Variants in ST7 observed in about 807,000 individuals in gnomAD.
The protein encoded by ST7 is suppressor of tumorigenicity 7 protein.
In ST7, 28 loss-of-function variants were observed where a neutral mutation model predicts 78.7. That is an observed-to-expected ratio of 0.36 (90% CI 0.26 to 0.49). ST7 has a LOEUF of 0.49. ST7 is among the 20% of genes least tolerant of loss of function. The probability of loss-of-function intolerance (pLI) is 0.99; values close to 1 mark genes in which losing one functional copy is unlikely to be tolerated. For missense variants in ST7, 418 were observed against 696.0 expected, an observed-to-expected ratio of 0.60 and a Z score of 4.49; for synonymous variants, 247 against 249.6, an observed-to-expected ratio of 0.99 and a Z score of 0.10.
chr7:117,020,797 A>G (rs566539669), intron 1 of ST7, among the ~76,000 whole-genome samples: 1 of 152,168 alleles, frequency 6.6e-6, no homozygotes, highest in African/African-American at 2.4e-5. Flanking sequence ...TAACTGGGTT[A>G]TTCATCCTTA....
In ST7 at chr7:117,219,868, T is replaced by C. The variant is rs996935022; in HGVS notation, c.1498+692T>C. Among the ~76,000 whole-genome samples, 1 of 152,262 alleles carries C rather than the reference T, an allele frequency of 6.6e-6. No homozygotes were observed. The highest frequency in any genetic ancestry group is 6.5e-5 in the Admixed American group (1 of 15,292). ...TGTGGAAAATATTATTTTGCTTTGC[T>C]GTAATACAACATTGTTTTGACAATT... On this transcript the variant is annotated intron_variant, in intron 14 of 15. Coordinates refer to ENST00000323984, the MANE Select transcript of ST7 (RefSeq NM_001369598.1). This position sits in a 1 kb window ranked among gnomAD's most constrained non-coding sequence, Gnocchi z 5.1.
At chr7:117,075,995 A>G (rs1799311650) in intron 1 of ST7, among the ~76,000 whole-genome samples, 1 of 152,138 alleles carries the variant, frequency 6.6e-6, no homozygotes, top group South Asian at 2.1e-4. Context: ...CTCATTCACC[A>G]TGTTTGCTTC....
At chr7:117,086,141 T>A (rs971671893) in intron 1 of ST7, among the ~76,000 whole-genome samples, 1 of 152,164 alleles carries the variant, frequency 6.6e-6, no homozygotes, top group African/African-American at 2.4e-5. Context: ...TTCTGTATTT[T>A]AAAAAATGTT....
intron 2 of ST7, among the ~76,000 whole-genome samples, chr7:117,119,121 ATTTTG>A (rs916027643): frequency 2.6e-5 from 4 of 151,934 alleles, no homozygotes; most frequent in Non-Finnish European, 5.9e-5. Context: ...CCCTACCCCG[ATTTTG>A]CTCTTAAGCA....
Position 117,034,142 on chromosome 7 carries a change from T to C in ST7, c.152-65620T>C, listed in dbSNP as rs531618144. The stretch of plus-strand genomic sequence containing the variant: ...TTTTTGTAGAGGCAGTCTTGCTCTA[T>C]TGCCCAGGCTGGTCTTGAACTCCTG... On this transcript the variant is annotated intron_variant, in intron 1 of 15. Transcript: ENST00000323984. Among the ~76,000 whole-genome samples the C allele has an allele frequency of 3.9e-5, 6 of 152,224 alleles. No individual in the cohort carries two copies. In the East Asian group the frequency reaches 5.8e-4, roughly 15 times the overall value.
intron 1 of ST7, among the ~76,000 whole-genome samples, chr7:117,077,126 G>A (rs887145713): frequency 6.6e-6 from 1 of 152,110 alleles, no homozygotes; most frequent in Non-Finnish European, 1.5e-5. Flanking sequence ...CTGTGTCTCC[G>A]AAGTCAAGCC....
At chr7:117,073,640 C>G (rs1799136265) in intron 1 of ST7, among the ~76,000 whole-genome samples, 1 of 152,182 alleles carries the variant, frequency 6.6e-6, no homozygotes, top group Non-Finnish European at 1.5e-5. Flanking sequence ...TCGTATGACT[C>G]AAGTCCTTAA....
rs558819004 is a variant in ST7, at chr7:117,128,359, A to T, written c.395-1434A>T. On this transcript the variant is annotated intron_variant, in intron 3 of 15. Coordinates refer to ENST00000323984, the MANE Select transcript of ST7 (RefSeq NM_001369598.1). The stretch of plus-strand genomic sequence containing the variant: ...AGTGATTCCTCTAAGGGGAGAAAAA[A>T]TAATTACAGGAAGCATAATTTTGTA... 3.3e-5 allele frequency: 5 copies of T among 151,964 alleles called. No individual in the cohort carries two copies. In the South Asian group the frequency reaches 1.0e-3, roughly 31 times the overall value. The allele number at this position is 151,964 out of a possible 1,614,324, so 9.4% of individuals were successfully genotyped here.
At chr7:117,144,964 C>T (rs531267668) in intron 9 of ST7, among the ~76,000 whole-genome samples, 5 of 152,140 alleles carry the variant, frequency 3.3e-5, no homozygotes, top group South Asian at 2.1e-4. Flanking sequence ...TTTGGGAGGC[C>T]GAGGCGGGGC....
chr7:117,226,393 A>G (rs1793447829), intron 15 of ST7, among the ~76,000 whole-genome samples: 1 of 152,118 alleles, frequency 6.6e-6, no homozygotes, highest in African/African-American at 2.4e-5. Flanking sequence ...GGACAGTTTT[A>G]GACATCGAGA....
chr7:117,188,511 C>G (rs1809466670), intron 10 of ST7, among the ~76,000 whole-genome samples: 1 of 152,186 alleles, frequency 6.6e-6, no homozygotes, highest in Non-Finnish European at 1.5e-5. Context: ...AAGGGGTGCC[C>G]TCTTTGAGTT....
Position 117,159,705 on chromosome 7 carries a change from T to C in ST7, c.964-11157T>C, listed in dbSNP as rs556206862. Among the ~76,000 whole-genome samples, 6 of 152,274 alleles carry C rather than the reference T, an allele frequency of 3.9e-5. No homozygotes were observed. The South Asian group carries it at 1.2e-3, about 32-fold the overall frequency. ...AAAATAAATAAATCGAGTTATGTTC[T>C]ATTGTGCAACTAAAAAATGAAAACT... On this transcript the variant is annotated intron_variant, in intron 9 of 15. Coordinates refer to ENST00000323984, the MANE Select transcript of ST7 (RefSeq NM_001369598.1).
intron 1 of ST7, among the ~76,000 whole-genome samples, chr7:116,987,001 A>G (rs1371930935): frequency 6.6e-6 from 1 of 152,204 alleles, no homozygotes; most frequent in Non-Finnish European, 1.5e-5. Context: ...CCTTTCACAT[A>G]GTCTGCCTAT....
intron 1 of ST7, among the ~76,000 whole-genome samples, chr7:116,966,968 G>T (rs1480338070): frequency 6.6e-6 from 1 of 152,162 alleles, no homozygotes; most frequent in Non-Finnish European, 1.5e-5. Context: ...AAAATAGGAT[G>T]TAAAATTTTC....
intron 2 of ST7, chr7:117,112,517 C>T (rs1316272333): frequency 6.6e-6 from 1 of 152,230 alleles, no homozygotes; most frequent in Non-Finnish European, 1.5e-5. Context: ...CTGACCTTGC[C>T]TTCCATCACC....
chr7:117,134,075 T>G, intron 6 of ST7, 49 bp from the exon 7 acceptor site: 1 of 1,606,210 alleles, frequency 6.2e-7, no homozygotes, highest in Non-Finnish European at 8.5e-7. Context: ...TCTCTCTGAA[T>G]GTTCCTATCA....
intron 1 of ST7, among the ~76,000 whole-genome samples, chr7:116,982,127 T>G (rs1793986750): frequency 6.6e-6 from 1 of 152,252 alleles, no homozygotes; most frequent in African/African-American, 2.4e-5. Flanking sequence ...ACGTGGTCTG[T>G]CATTGACAGA....
intron 15 of ST7, among the ~76,000 whole-genome samples, chr7:117,229,217 C>T (rs751265550): frequency 6.6e-6 from 1 of 152,208 alleles, no homozygotes; most frequent in Non-Finnish European, 1.5e-5. Context: ...CCGCCTTCTC[C>T]CAGGGTCCCA....
intron 12 of ST7, among the ~76,000 whole-genome samples, chr7:117,200,946 C>A (rs1258978048): frequency 6.6e-6 from 1 of 151,406 alleles, no homozygotes; most frequent in Admixed American, 6.6e-5. Flanking sequence ...AATGGAGTAC[C>A]TACAGGACAT....
Sources: gnomAD v4.1 joint callset for allele counts (sites outside exome capture counted in the v4.1 genomes callset) on GRCh38, gnomAD v4.1.1 for gene constraint, Gnocchi (gnomAD v3.1) non-coding constraint, MANE v1.5 for transcripts, NCBI Gene and HGNC (gene_info 2026-07-23, HGNC 2026-07-21) for gene names.